Variants in XPNPEP1 observed in about 807,000 individuals in gnomAD.
XPNPEP1 encodes the protein X-prolyl aminopeptidase 1, also known as xaa-Pro aminopeptidase 1.
Under a neutral mutation model 92.4 loss-of-function variants are expected in XPNPEP1, and 39 were observed. That is an observed-to-expected ratio of 0.42 (90% CI 0.33 to 0.55). The LOEUF (loss-of-function observed/expected upper bound fraction) is 0.55, where lower values mean the gene tolerates loss of function less well. Among genes scored for constraint, XPNPEP1 ranks in the 20% least tolerant of loss-of-function variants. The pLI is 0.08. For synonymous variants in XPNPEP1, 307 were observed against 299.4 expected, an observed-to-expected ratio of 1.03 and a Z score of -0.26; for missense variants, 654 against 856.1, an observed-to-expected ratio of 0.76 and a Z score of 2.95.
chr10:109,869,094 C>T (rs977424167), intron 19 of XPNPEP1, among the ~76,000 whole-genome samples: 5 of 152,196 alleles, frequency 3.3e-5, no homozygotes, highest in Admixed American at 2.6e-4. Context: ...ATTTTTATAA[C>T]AGTCAACTGT....
At chr10:109,877,136 A>G (rs1230272220) in intron 14 of XPNPEP1, 1 of 152,612 alleles carries the variant, frequency 6.6e-6, no homozygotes, top group Admixed American at 6.5e-5. Flanking sequence ...AGTACAAAAC[A>G]GCTGCTGTTA....
chr10:109,896,035 C>T (rs1848967197), intron 3 of XPNPEP1, among the ~76,000 whole-genome samples: 1 of 152,194 alleles, frequency 6.6e-6, no homozygotes, highest in Non-Finnish European at 1.5e-5. Flanking sequence ...CCAGACACAC[C>T]CACCTCCTTT....
chr10:109,881,003 T>C, intron 10 of XPNPEP1, 72 bp from the exon 11 acceptor site: 3 of 1,435,394 alleles, frequency 2.1e-6, no homozygotes, highest in East Asian at 2.4e-5. Flanking sequence ...AACAACCTTT[T>C]TGCTCAGCAA....
chr10:109,880,187 CCT>C lies in XPNPEP1; in HGVS notation c.1181_1182del (p.Glu394GlyfsTer13). The C allele has an allele frequency of 6.2e-7, 1 of 1,613,874 alleles. No homozygotes were observed. The highest frequency in any genetic ancestry group is 8.5e-7 in the Non-Finnish European group (1 of 1,179,938). On this transcript the variant is annotated frameshift_variant and splice_region_variant, in exon 12 of 21. Transcript: ENST00000502935. LOFTEE classifies it high-confidence loss of function. ...ATATTAAACAAAGACTAAGAACCAA[CCT>C]CTTTCTCCAGCCAGTTAAAGAGTTC... is the stretch of plus-strand genomic sequence containing the variant. ...LCELFNWLEK[E>X]VPKGGVTEIS...
At chr10:109,869,859 G>C (rs1014876753) in intron 19 of XPNPEP1, 94 bp downstream of exon 19, 1 of 1,297,544 alleles carries the variant, frequency 7.7e-7, no homozygotes, top group Non-Finnish European at 1.1e-6. Flanking sequence ...AAATTTTTAA[G>C]CTTTGCGCAG....
chr10:109,922,064 T>C (rs1462308128), intron 1 of XPNPEP1, among the ~76,000 whole-genome samples: 1 of 152,208 alleles, frequency 6.6e-6, no homozygotes, highest in Non-Finnish European at 1.5e-5. Flanking sequence ...TCAGCCACAC[T>C]AGAAGCCAGC....
intron 3 of XPNPEP1, 101 bp downstream of exon 3, chr10:109,907,589 GT>G (rs1243051020): frequency 1.3e-6 from 2 of 1,551,210 alleles, no homozygotes; most frequent in African/African-American, 1.4e-5. Flanking sequence ...GAAGGGCTTG[GT>G]TGTGGCCCTG....
intron 19 of XPNPEP1, among the ~76,000 whole-genome samples, chr10:109,869,496 G>T (rs1022895660): frequency 6.6e-6 from 1 of 152,164 alleles, no homozygotes; most frequent in African/African-American, 2.4e-5. Flanking sequence ...GTCACCTGGG[G>T]AGTGTGACAA....
At chr10:109,899,775 C>G (rs557919283) in intron 3 of XPNPEP1, among the ~76,000 whole-genome samples, 21 of 152,312 alleles carry the variant, frequency 1.4e-4, no homozygotes, top group African/African-American at 4.6e-4. Context: ...AAAACATCAC[C>G]CTTTGACTAA....
rs557872268 is a variant in XPNPEP1 at position 109,866,070 on chromosome 10, G to C, written c.1873-758C>G. Among the ~76,000 whole-genome samples the C allele has an allele frequency of 3.3e-5, 5 of 152,314 alleles. No individual in the cohort carries two copies. In the South Asian group the frequency reaches 1.0e-3, roughly 32 times the overall value. On this transcript the variant is annotated intron_variant, in intron 20 of 20. Transcript: ENST00000502935. The stretch of plus-strand genomic sequence containing the variant: ...TCTGGAGTGAAGCAGGTTTTACCAA[G>C]AGGACAACAAGCCACTCTCATCACT...
intron 3 of XPNPEP1, among the ~76,000 whole-genome samples, chr10:109,906,295 T>C (rs1184315061): frequency 6.6e-6 from 1 of 152,160 alleles, no homozygotes; most frequent in African/African-American, 2.4e-5. Flanking sequence ...GGACTTTGAA[T>C]TTGGGGGATT....
At chr10:109,875,718 A>C (rs1265700358) in intron 14 of XPNPEP1, 119 bp from the exon 15 acceptor site, 2 of 718,066 alleles carry the variant, frequency 2.8e-6, no homozygotes, top group African/African-American at 1.8e-5. Context: ...CTGAAATTAT[A>C]TCAAAATAGA....
intron 1 of XPNPEP1, 121 bp from the exon 2 acceptor site, chr10:109,915,220 C>T (rs912630360): frequency 2.1e-5 from 10 of 466,154 alleles, no homozygotes; most frequent in Non-Finnish European, 3.3e-5. Flanking sequence ...GAACTTTCAC[C>T]CCCATTATCA....
Position 109,864,956 on chromosome 10 carries a change from G to A in XPNPEP1, c.*228C>T, listed in dbSNP as rs1360238419. On this transcript the variant is annotated 3_prime_UTR_variant, in exon 21 of 21. Transcript: ENST00000502935. Reference sequence around the variant, plus strand: ...ACTTTGGAGGGACCCTCCTTCTGGTGCAGCAATTTTATTCTTGGCTTGTTC... The same window carrying A: ...ACTTTGGAGGGACCCTCCTTCTGGTACAGCAATTTTATTCTTGGCTTGTTC... 230 of 613,090 alleles carry A rather than the reference G, an allele frequency of 3.8e-4. No individual in the cohort carries two copies. The highest frequency in any genetic ancestry group is 6.6e-5 in the Non-Finnish European group (25 of 380,328). The allele number at this position is 613,090 out of a possible 1,614,324, so 38.0% of individuals were successfully genotyped here. A position where few individuals can be genotyped will look rare whatever the true frequency, so the allele number is the denominator to read the frequency against.
At chr10:109,866,764 A>G (rs1847166661) in intron 20 of XPNPEP1, among the ~76,000 whole-genome samples, 1 of 152,264 alleles carries the variant, frequency 6.6e-6, no homozygotes, top group African/African-American at 2.4e-5. Flanking sequence ...AGTAAAGGGC[A>G]AATGACCAGA....
intron 1 of XPNPEP1, 62 bp downstream of exon 1, chr10:109,923,340 C>G: frequency 1.4e-6 from 2 of 1,382,818 alleles, no homozygotes; most frequent in Non-Finnish European, 1.9e-6. Flanking sequence ...GTGCAACACG[C>G]GCGGCCGCGC....
At chr10:109,879,912 T>A (rs1295031820) in intron 12 of XPNPEP1, among the ~76,000 whole-genome samples, 1 of 152,226 alleles carries the variant, frequency 6.6e-6, no homozygotes, top group Non-Finnish European at 1.5e-5. Flanking sequence ...TTTTTCCTTA[T>A]AATGAAATTC....
At chr10:109,907,202 T>C (rs1402782574) in intron 3 of XPNPEP1, among the ~76,000 whole-genome samples, 1 of 152,186 alleles carries the variant, frequency 6.6e-6, no homozygotes, top group African/African-American at 2.4e-5. Context: ...ACATTCAACC[T>C]TAAGTTCATC....
At position 109,875,512 on chromosome 10, in the gene XPNPEP1, G is replaced by A. The variant is rs746859625; in HGVS notation, c.1391+16C>T. On this transcript the variant is annotated intron_variant, in intron 15 of 20. Coordinates refer to ENST00000502935, the MANE Select transcript of XPNPEP1 (RefSeq NM_020383.4). ...GAATCCATAGTCAAGTTCCACAGCA[G>A]TCCTGGTTTACTTACTTGTATTGAG... 1.2e-6 allele frequency: 2 copies of A among 1,613,266 alleles called. No homozygotes were observed. The highest frequency in any genetic ancestry group is 1.7e-6 in the Non-Finnish European group (2 of 1,179,302).
Sources: gnomAD v4.1 joint callset for allele counts (sites outside exome capture counted in the v4.1 genomes callset) on GRCh38, gnomAD v4.1.1 for gene constraint, MANE v1.5 for transcripts, NCBI Gene and HGNC (gene_info 2026-07-23, HGNC 2026-07-21) for gene names.